MAN1C1: variants seen among roughly 807,000 people sequenced by gnomAD.
MAN1C1 encodes the protein mannosyl-oligosaccharide 1,2-alpha-mannosidase IC.
Under a neutral mutation model 71.5 loss-of-function variants are expected in MAN1C1, and 49 were observed. The observed-to-expected ratio is 0.69, with a 90% CI of 0.54 to 0.87. The LOEUF (loss-of-function observed/expected upper bound fraction) is 0.87, where lower values mean the gene tolerates loss of function less well. Ranked by LOEUF, MAN1C1 falls within the 40% of genes least tolerant of loss-of-function variation. MAN1C1 has a pLI of 0.00. For synonymous variants in MAN1C1, 352 were observed against 343.7 expected (o/e 1.02, Z -0.27); for missense variants, 743 against 835.0 (o/e 0.89, Z 1.36).
intron 2 of MAN1C1, among the ~76,000 whole-genome samples, chr1:25,705,185 G>T (rs1268375872): frequency 6.6e-6 from 1 of 152,172 alleles, no homozygotes; most frequent in African/African-American, 2.4e-5. Flanking sequence ...AGAAGGAAAA[G>T]TTGCTGAAGT....
chr1:25,646,786 G>A (rs1442909096), intron 1 of MAN1C1, among the ~76,000 whole-genome samples: 3 of 152,200 alleles, frequency 2.0e-5, no homozygotes, highest in South Asian at 4.1e-4. Context: ...CCCATTGTAT[G>A]GGTAGACCGC....
Position 25,753,381 on chromosome 1 carries a change from A to T in MAN1C1, c.835-103A>T. ...GGACTGCAGCACTGCCCCCTACTCT[A>T]GACCTGCAGCCCTGGGGGGTTCATC... is the stretch of plus-strand genomic sequence containing the variant. On this transcript the variant is annotated intron_variant, in intron 4 of 11. Transcript: ENST00000374332. This position sits in a 1 kb window ranked among gnomAD's most constrained non-coding sequence, Gnocchi z 4.9. 1 of 777,566 alleles carries T rather than the reference A, an allele frequency of 1.3e-6. No individual in the cohort carries two copies. Among genetic ancestry groups the T allele is most frequent in the Non-Finnish European group, 2.0e-6 (1 of 488,348 alleles). The allele number at this position is 777,566 out of a possible 1,614,324, so 48.2% of individuals were successfully genotyped here.
chr1:25,710,361 A>G (rs1189093927), intron 2 of MAN1C1, among the ~76,000 whole-genome samples: 1 of 152,182 alleles, frequency 6.6e-6, no homozygotes, highest in African/African-American at 2.4e-5. Flanking sequence ...GCATTCAGTA[A>G]ATGTTCACTG....
intron 2 of MAN1C1, among the ~76,000 whole-genome samples, chr1:25,686,781 T>C (rs567488912): frequency 1.2e-4 from 19 of 152,316 alleles, no homozygotes; most frequent in African/African-American, 4.6e-4. Flanking sequence ...TTATCGTTTA[T>C]TTTTTAGAGT....
intron 2 of MAN1C1, among the ~76,000 whole-genome samples, chr1:25,738,954 G>A (rs1441782599): frequency 6.6e-6 from 1 of 152,096 alleles, no homozygotes; most frequent in Non-Finnish European, 1.5e-5. Flanking sequence ...TTGAGGCCAG[G>A]AGTTCAAGAC....
chr1:25,713,889 G>C (rs1232051467), intron 2 of MAN1C1, among the ~76,000 whole-genome samples: 2 of 152,160 alleles, frequency 1.3e-5, no homozygotes, highest in Non-Finnish European at 2.9e-5. Context: ...TCATGCACTT[G>C]CAAGTGACTG....
intron 4 of MAN1C1, among the ~76,000 whole-genome samples, chr1:25,751,674 C>T (rs1315281028): frequency 1.3e-5 from 2 of 152,256 alleles, no homozygotes; most frequent in African/African-American, 4.8e-5. Flanking sequence ...TGCCATGCTG[C>T]ATACCTCGTG....
At chr1:25,770,685 G>A (rs1489827016) in intron 7 of MAN1C1, among the ~76,000 whole-genome samples, 1 of 152,050 alleles carries the variant, frequency 6.6e-6, no homozygotes, top group African/African-American at 2.4e-5. Context: ...AGCTGTTGAC[G>A]TGTTCTCTCT....
chr1:25,734,130 T>C (rs1248077516), intron 2 of MAN1C1, among the ~76,000 whole-genome samples: 2 of 151,332 alleles, frequency 1.3e-5, no homozygotes. Context: ...TTAATTTATT[T>C]TAATTTATTT....
intron 1 of MAN1C1, chr1:25,646,127 A>T (rs1035196729): frequency 2.0e-5 from 3 of 152,462 alleles, no homozygotes; most frequent in Admixed American, 6.5e-5. Flanking sequence ...CGTTTTCAGC[A>T]GCCAGTGCTG....
intron 2 of MAN1C1, among the ~76,000 whole-genome samples, chr1:25,717,174 A>C (rs1031606284): frequency 3.9e-5 from 6 of 152,192 alleles, no homozygotes; most frequent in African/African-American, 1.2e-4. Context: ...GTATATACCC[A>C]AAAGTGGAAT....
Position 25,778,143 on chromosome 1 carries a change from G to A in MAN1C1, c.1296G>A (p.Gly432=), listed in dbSNP as rs762641856. 19 of 1,594,798 alleles carry A rather than the reference G, an allele frequency of 1.2e-5. No individual in the cohort carries two copies. The African/African-American group carries it at 2.3e-4, about 19-fold the overall frequency. The change falls in exon 9 of 12, where the codon GGG becomes GGA. Residue 432 remains glycine, a synonymous_variant. Transcript: ENST00000374332. This position sits in a 1 kb window ranked among gnomAD's most constrained non-coding sequence, Gnocchi z 5.5. ...ETYLLNVSPG[G]LTYIAEWRGG... is the part of the protein sequence containing the mutation. The stretch of plus-strand genomic sequence containing the variant: ...ACTTGCTGAATGTCTCTCCCGGGGG[G>A]CTGACCTACATTGCCGAGTGGCGAG...
intron 2 of MAN1C1, among the ~76,000 whole-genome samples, chr1:25,721,119 G>A (rs537706151): frequency 3.9e-5 from 6 of 151,990 alleles, no homozygotes; most frequent in Admixed American, 1.3e-4. Flanking sequence ...TCTTTTTCAA[G>A]GTTGTTTGGC....
intron 2 of MAN1C1, among the ~76,000 whole-genome samples, chr1:25,726,791 C>T (rs1185076715): frequency 6.6e-6 from 1 of 151,740 alleles, no homozygotes; most frequent in Non-Finnish European, 1.5e-5. Context: ...CATGATGGCT[C>T]ACGTCTGTAA....
intron 2 of MAN1C1, among the ~76,000 whole-genome samples, chr1:25,723,016 T>G (rs1291458424): frequency 6.6e-6 from 1 of 152,236 alleles, no homozygotes; most frequent in South Asian, 2.1e-4. Flanking sequence ...CTCTTTGTCC[T>G]CAATGTTTCA....
chr1:25,774,911 G>A lies in MAN1C1; in HGVS notation c.1257+3139G>A, dbSNP rs911612194. ...TAAACCTTTTACCAGTCGTCTGCCA[G>A]CCTGCACTGTCTTGTGTTTTGTTTT... On this transcript the variant is annotated intron_variant, in intron 8 of 11. Transcript: ENST00000374332. Among the ~76,000 whole-genome samples the A allele has an allele frequency of 6.6e-5, 10 of 152,136 alleles. No homozygotes were observed. The East Asian group carries it at 1.9e-3, about 29-fold the overall frequency.
At chr1:25,694,864 C>T (rs1192514035) in intron 2 of MAN1C1, among the ~76,000 whole-genome samples, 2 of 152,188 alleles carry the variant, frequency 1.3e-5, no homozygotes, top group Non-Finnish European at 2.9e-5. Context: ...GGGTTTAAAT[C>T]CCATCCCTAG....
chr1:25,661,753 G>A (rs2045852335), intron 1 of MAN1C1, among the ~76,000 whole-genome samples: 1 of 152,240 alleles, frequency 6.6e-6, no homozygotes, highest in Non-Finnish European at 1.5e-5. Context: ...AGTGCTGTGT[G>A]TGGGGTTGAA....
chr1:25,767,321 TCA>T (rs1331264632), intron 7 of MAN1C1, among the ~76,000 whole-genome samples: 2 of 100,148 alleles, frequency 2.0e-5, no homozygotes, highest in African/African-American at 4.1e-5. Context: ...CACACTCCCC[TCA>T]CACACTCCCC....
Sources: gnomAD v4.1 joint callset for allele counts (sites outside exome capture counted in the v4.1 genomes callset) on GRCh38, gnomAD v4.1.1 for gene constraint, Gnocchi (gnomAD v3.1) non-coding constraint, MANE v1.5 for transcripts, NCBI Gene and HGNC (gene_info 2026-07-23, HGNC 2026-07-21) for gene names.